Variants in PIP5K1B observed in about 807,000 individuals in gnomAD.
PIP5K1B encodes phosphatidylinositol 4-phosphate 5-kinase type-1 beta.
In PIP5K1B, 42 loss-of-function variants were observed where a neutral mutation model predicts 67.0. That is an observed-to-expected ratio of 0.63 (90% CI 0.49 to 0.81). The LOEUF (loss-of-function observed/expected upper bound fraction) is 0.81, where lower values mean the gene tolerates loss of function less well. Among genes scored for constraint, PIP5K1B ranks in the 30% least tolerant of loss-of-function variants. The pLI is 0.00. For synonymous variants in PIP5K1B, 214 were observed against 231.4 expected (o/e 0.92, Z 0.68); for missense variants, 459 against 646.3 (o/e 0.71, Z 3.14).
rs900470233 is a variant in PIP5K1B, at chr9:68,815,739, G to A, written c.-85-2722G>A. 5.3e-5 allele frequency among the ~76,000 whole-genome samples: 8 copies of A among 152,002 alleles called. No homozygotes were observed. In the South Asian group the frequency reaches 6.2e-4, roughly 12 times the overall value. ...AAAAACTGATAAAGATGGCCACAAC[G>A]GTTGTTCAATATCACTTATGAAAAT... is the stretch of plus-strand genomic sequence containing the variant. On this transcript the variant is annotated intron_variant, in intron 2 of 15. Transcript: ENST00000265382.
chr9:68,918,354 T>TA (rs1826206767), intron 9 of PIP5K1B, among the ~76,000 whole-genome samples: 1 of 152,190 alleles, frequency 6.6e-6, no homozygotes, highest in Admixed American at 6.5e-5. Context: ...CTTCCCAAAG[T>TA]GCTGGGATTA....
At chr9:68,915,483 CT>C (rs1420178872) in intron 8 of PIP5K1B, among the ~76,000 whole-genome samples, 1 of 152,138 alleles carries the variant, frequency 6.6e-6, no homozygotes, top group African/African-American at 2.4e-5. Context: ...ATAAAACAGT[CT>C]TTCTTTCTCC....
At position 68,910,174 on chromosome 9, in the gene PIP5K1B, C is replaced by T. The variant is rs531295917; in HGVS notation, c.772-7374C>T. On this transcript the variant is annotated intron_variant, in intron 8 of 15. Transcript: ENST00000265382. ...TGATAGTCTTACTAGACTCAAAGCTCAGCCTAATTTATAGCAAAACAACTT... is the reference window on the plus strand; with the variant it reads ...TGATAGTCTTACTAGACTCAAAGCTTAGCCTAATTTATAGCAAAACAACTT... Among the ~76,000 whole-genome samples the T allele has an allele frequency of 2.0e-5, 3 of 152,322 alleles. No homozygotes were observed. In the East Asian group the frequency reaches 5.8e-4, roughly 29 times the overall value.
In PIP5K1B at chr9:68,865,845, A is replaced by G. The variant is rs74649333; in HGVS notation, c.200+1878A>G. ...CCGTCGGGGTGATTCTCAGCACAGA[A>G]AGGTTTGAGAACCACTGGCCTCGCC... On this transcript the variant is annotated intron_variant, in intron 5 of 15. Coordinates refer to ENST00000265382, the MANE Select transcript of PIP5K1B (RefSeq NM_003558.4). Among the ~76,000 whole-genome samples the G allele has an allele frequency of 2.0e-5, 3 of 152,344 alleles. No homozygotes were observed. In the East Asian group the frequency reaches 5.8e-4, roughly 29 times the overall value.
intron 2 of PIP5K1B, chr9:68,781,834 A>G (rs535456694): frequency 6.0e-6 from 1 of 167,050 alleles, no homozygotes; most frequent in East Asian, 1.9e-4. Context: ...CCCACTATAC[A>G]TAGGCTAAGG....
At chr9:68,765,097 G>GT (rs1344475484) in intron 2 of PIP5K1B, among the ~76,000 whole-genome samples, 2 of 151,794 alleles carry the variant, frequency 1.3e-5, no homozygotes, top group Non-Finnish European at 2.9e-5. Flanking sequence ...GTTCTTAACT[G>GT]TTTTTTTAAA....
At chr9:68,997,324 G>C (rs1389577777) in intron 15 of PIP5K1B, among the ~76,000 whole-genome samples, 2 of 152,214 alleles carry the variant, frequency 1.3e-5, no homozygotes, top group African/African-American at 4.8e-5. Flanking sequence ...TGAGGTTAAT[G>C]ACTTATATTG....
intron 4 of PIP5K1B, chr9:68,824,161 G>T (rs1271714806): frequency 1.9e-6 from 1 of 518,924 alleles, no homozygotes; most frequent in Admixed American, 1.9e-5. Flanking sequence ...TTCAAGCATG[G>T]ACCAACACAG....
chr9:68,941,787 A>G (rs1317729763), intron 14 of PIP5K1B, among the ~76,000 whole-genome samples: 1 of 152,222 alleles, frequency 6.6e-6, no homozygotes, highest in Non-Finnish European at 1.5e-5. Flanking sequence ...TATTTTTAAT[A>G]TATGGATATC....
intron 2 of PIP5K1B, among the ~76,000 whole-genome samples, chr9:68,748,821 A>G (rs981512567): frequency 2.0e-5 from 3 of 152,196 alleles, no homozygotes; most frequent in Admixed American, 1.3e-4. Flanking sequence ...CATGTTGGTC[A>G]GGCTGGTCTC....
intron 5 of PIP5K1B, among the ~76,000 whole-genome samples, chr9:68,876,062 T>C (rs893938486): frequency 3.9e-5 from 6 of 152,180 alleles, no homozygotes; most frequent in Non-Finnish European, 8.8e-5. Context: ...ATCATAAATA[T>C]TGTGTATAAT....
intron 12 of PIP5K1B, among the ~76,000 whole-genome samples, chr9:68,934,294 G>A (rs1337595011): frequency 6.6e-6 from 1 of 152,216 alleles, no homozygotes; most frequent in Admixed American, 6.5e-5. Flanking sequence ...AAGATTGGAA[G>A]TGAATTATAC....
intron 2 of PIP5K1B, among the ~76,000 whole-genome samples, chr9:68,771,307 A>G (rs1219184786): frequency 1.3e-5 from 2 of 152,246 alleles, no homozygotes; most frequent in African/African-American, 4.8e-5. Flanking sequence ...ACTCGCTAGT[A>G]TCTGTAAGCC....
chr9:68,836,784 G>C (rs762010520), intron 4 of PIP5K1B, among the ~76,000 whole-genome samples: 40 of 152,296 alleles, frequency 2.6e-4, no homozygotes, highest in Non-Finnish European at 4.6e-4. Context: ...TCAAGGGAAG[G>C]CTGTCTTACC....
At chr9:68,808,421 A>G (rs1327185653) in intron 2 of PIP5K1B, among the ~76,000 whole-genome samples, 1 of 151,532 alleles carries the variant, frequency 6.6e-6, no homozygotes, top group Non-Finnish European at 1.5e-5. Context: ...CCACCCCGAC[A>G]CTATCACCAG....
chr9:68,769,842 G>A (rs7031263), intron 2 of PIP5K1B, among the ~76,000 whole-genome samples: 45,029 of 152,072 alleles, frequency 0.3, 7,042 homozygotes, highest in Non-Finnish European at 0.34. Flanking sequence ...TCATGAAAAT[G>A]CCTAGCAGGG....
chr9:68,990,444 A>G (rs540765358), intron 14 of PIP5K1B, among the ~76,000 whole-genome samples: 3 of 152,076 alleles, frequency 2.0e-5, no homozygotes, highest in African/African-American at 7.2e-5. Flanking sequence ...ATCAGTGCTA[A>G]TGATGCACAA....
chr9:68,802,875 A>G (rs1228797262), intron 2 of PIP5K1B, among the ~76,000 whole-genome samples: 2 of 152,198 alleles, frequency 1.3e-5, no homozygotes, highest in Non-Finnish European at 2.9e-5. Flanking sequence ...AAGCAGTGGG[A>G]AGCCCTTGCA....
chr9:68,977,721 C>G lies in PIP5K1B; in HGVS notation c.1503-13419C>G, dbSNP rs1228155911. 4.1e-5 allele frequency among the ~76,000 whole-genome samples: 6 copies of G among 145,440 alleles called. No individual in the cohort carries two copies. In the East Asian group the frequency reaches 1.2e-3, roughly 30 times the overall value. ...CCAGGCTGGGGTACAGTGGCATGGT[C>G]TCGGCTCACTGGAACCTCTGCCTCC... On this transcript the variant is annotated intron_variant, in intron 14 of 15. Coordinates refer to ENST00000265382, the MANE Select transcript of PIP5K1B (RefSeq NM_003558.4).
Sources: allele counts gnomAD v4.1 joint callset (sites outside exome capture counted in the v4.1 genomes callset), GRCh38; gene constraint gnomAD v4.1.1; transcripts MANE v1.5; gene names NCBI Gene and HGNC (gene_info 2026-07-23, HGNC 2026-07-21).